Variants in RIMS1 observed in about 807,000 individuals in gnomAD.
RIMS1 encodes the protein regulating synaptic membrane exocytosis 1, also known as regulating synaptic membrane exocytosis protein 1.
A neutral mutation model predicts 214.1 loss-of-function variants in RIMS1; 83 were observed. The observed-to-expected ratio is 0.39, with a 90% confidence interval of 0.32 to 0.47. The LOEUF (loss-of-function observed/expected upper bound fraction) is 0.47, where lower values mean the gene tolerates loss of function less well. Ranked by LOEUF, RIMS1 falls within the 20% of genes least tolerant of loss-of-function variation. The pLI is 0.99. For missense variants in RIMS1, 2,050 were observed against 2,161.8 expected (o/e 0.95, Z 1.03); for synonymous variants, 793 against 786.8 (o/e 1.01, Z -0.13).
In RIMS1 at chr6:72,161,994, A is replaced by G. The variant is rs1447116105; in HGVS notation, c.472-17581A>G. ...TCAATTGTTGATAGTGGGGTGTTAAATCTCCCATTATTATTGTATGGGAGT... is the reference window on the plus strand; with the variant it reads ...TCAATTGTTGATAGTGGGGTGTTAAGTCTCCCATTATTATTGTATGGGAGT... On this transcript the variant is annotated intron_variant, in intron 4 of 33. Coordinates refer to ENST00000521978, the MANE Select transcript of RIMS1 (RefSeq NM_014989.7). 8.6e-5 allele frequency among the ~76,000 whole-genome samples: 12 copies of G among 140,050 alleles called. 2 individuals carry two copies. The highest frequency in any genetic ancestry group is 2.9e-4 in the Admixed American group (4 of 13,652). The allele number at this position is 140,050 out of a possible 152,430, so 91.9% of individuals were successfully genotyped here. A position where few individuals can be genotyped will look rare whatever the true frequency, so the allele number is the denominator to read the frequency against.
At chr6:72,361,924 A>T (rs1327644655) in intron 29 of RIMS1, among the ~76,000 whole-genome samples, 1 of 152,226 alleles carries the variant, frequency 6.6e-6, no homozygotes, top group African/African-American at 2.4e-5. Flanking sequence ...TAACATGTTC[A>T]TAGGTTGTAA....
intron 19 of RIMS1, chr6:72,261,898 T>C (rs1019468884): frequency 1.0e-6 from 1 of 985,232 alleles, no homozygotes; most frequent in South Asian, 4.7e-5. Context: ...ATCATGCATA[T>C]TGTAAAAACC....
At chr6:72,018,555 T>G (rs1328080188) in intron 2 of RIMS1, among the ~76,000 whole-genome samples, 1 of 152,170 alleles carries the variant, frequency 6.6e-6, no homozygotes, top group South Asian at 2.1e-4. Flanking sequence ...TGGATAAATA[T>G]ACTGAGAGTT....
At chr6:71,934,651 G>A (rs538301508) in intron 1 of RIMS1, among the ~76,000 whole-genome samples, 1 of 152,074 alleles carries the variant, frequency 6.6e-6, no homozygotes, top group Admixed American at 6.6e-5. Flanking sequence ...GGAAGGAAGG[G>A]GAATCAATAT....
Position 72,251,078 on chromosome 6 carries a change from G to A in RIMS1, c.2530G>A (p.Glu844Lys). Residue 844 changes from glutamate to lysine, a missense_variant, in exon 14 of 34, where the codon GAA becomes AAA. Physicochemically the swap from Glu to Lys is moderately conservative, Grantham distance 56. This residue lies in a region of RIMS1 where 889 missense variants were observed against 885.5 expected (regional missense o/e 1.00). Coordinates refer to ENST00000521978, the MANE Select transcript of RIMS1 (RefSeq NM_014989.7). ...DQPRVQEEES[E>K]FLGEILIELE... ...ACCAAGAGTGCAAGAAGAAGAAAGT[G>A]AATTTCTTGGAGAGGTGATGTATAT... is the stretch of plus-strand genomic sequence containing the variant. The A allele has an allele frequency of 6.3e-7, 1 of 1,582,088 alleles. No individual in the cohort carries two copies. The highest frequency in any genetic ancestry group is 8.6e-7 in the Non-Finnish European group (1 of 1,162,986).
At chr6:72,247,931 A>G in intron 11 of RIMS1, 84 bp from the exon 12 acceptor site, 1 of 874,384 alleles carries the variant, frequency 1.1e-6, no homozygotes, top group Non-Finnish European at 1.9e-6. Context: ...TTATGGTTTT[A>G]TACAAATAAA....
At chr6:72,286,606 G>T (rs938386775) in intron 24 of RIMS1, among the ~76,000 whole-genome samples, 1 of 152,116 alleles carries the variant, frequency 6.6e-6, no homozygotes, top group Non-Finnish European at 1.5e-5. Context: ...TAGTTTCTTT[G>T]TGAATTGTTG....
intron 2 of RIMS1, among the ~76,000 whole-genome samples, chr6:72,072,502 A>G (rs1830793466): frequency 6.6e-6 from 1 of 152,202 alleles, no homozygotes; most frequent in Non-Finnish European, 1.5e-5. Context: ...GTGGTAAGGC[A>G]CAGAGGTTCT....
intron 6 of RIMS1, among the ~76,000 whole-genome samples, chr6:72,227,251 G>T (rs1404689640): frequency 6.6e-6 from 1 of 151,874 alleles, no homozygotes; most frequent in Non-Finnish European, 1.5e-5. Flanking sequence ...ATTTTTCTTA[G>T]TTTGTACGTG....
At chr6:72,353,002 T>C (rs2097514457) in intron 29 of RIMS1, among the ~76,000 whole-genome samples, 1 of 145,824 alleles carries the variant, frequency 6.9e-6, no homozygotes, top group African/African-American at 2.6e-5. Flanking sequence ...TTTTTTTTTT[T>C]TTTTTGAGAT....
chr6:72,224,733 T>C (rs1433732065), intron 6 of RIMS1, among the ~76,000 whole-genome samples: 1 of 152,206 alleles, frequency 6.6e-6, no homozygotes, highest in East Asian at 1.9e-4. Context: ...TGATATTGCT[T>C]CTTTATCCTC....
chr6:72,348,995 G>A (rs1374587833), intron 29 of RIMS1, among the ~76,000 whole-genome samples: 1 of 151,756 alleles, frequency 6.6e-6, no homozygotes. Flanking sequence ...TCTTTTGTTG[G>A]GCATAGGGCC....
rs1355069827 is a variant in RIMS1, at chr6:72,182,981, G to A, written c.1510G>A (p.Asp504Asn). The A allele has an allele frequency of 6.3e-7, 1 of 1,594,378 alleles. No individual in the cohort carries two copies. The highest frequency in any genetic ancestry group is 8.5e-7 in the Non-Finnish European group (1 of 1,171,770). The change falls in exon 6 of 34, where the codon GAC becomes AAC. Residue 504 changes from aspartate (D) to asparagine (N), a missense_variant. Asp to Asn is a conservative substitution (Grantham distance 23, BLOSUM62 1). Coordinates refer to ENST00000521978, the MANE Select transcript of RIMS1 (RefSeq NM_014989.7). ...TMLRNDSLSS[D>N]QSESVRPSPP... ...GCTGCGGAACGACTCTTTGAGCTCA[G>A]ACCAGTCCGAGTCGGTGCGGCCGTC... is the stretch of plus-strand genomic sequence containing the variant.
chr6:72,257,136 G>C (rs1354795453), intron 16 of RIMS1, among the ~76,000 whole-genome samples: 10 of 151,318 alleles, frequency 6.6e-5, no homozygotes, highest in Admixed American at 6.6e-4. Flanking sequence ...AACAGTTTTA[G>C]CTTCCCAGTT....
At chr6:72,203,229 C>T (rs775245239) in intron 6 of RIMS1, among the ~76,000 whole-genome samples, 21 of 152,216 alleles carry the variant, frequency 1.4e-4, no homozygotes, top group African/African-American at 1.7e-4. Flanking sequence ...CCCTGTGATC[C>T]GCCCACCTCA....
At chr6:72,362,567 C>T (rs1302386518) in intron 29 of RIMS1, among the ~76,000 whole-genome samples, 1 of 152,096 alleles carries the variant, frequency 6.6e-6, no homozygotes, top group African/African-American at 2.4e-5. Flanking sequence ...AAAAAGCAAA[C>T]TGCATCTCAC....
intron 2 of RIMS1, among the ~76,000 whole-genome samples, chr6:71,979,317 C>T (rs1797910300): frequency 6.6e-6 from 1 of 151,912 alleles, no homozygotes. Flanking sequence ...GATGTGGCAA[C>T]AGCTGAGATT....
intron 27 of RIMS1, 97 bp from the exon 28 acceptor site, chr6:72,313,409 T>A (rs369167498): frequency 3.8e-5 from 39 of 1,028,536 alleles, no homozygotes; most frequent in South Asian, 2.5e-4. Flanking sequence ...AAGGTACACC[T>A]TTATTTGGTG....
intron 24 of RIMS1, among the ~76,000 whole-genome samples, chr6:72,285,147 T>C (rs1402181263): frequency 6.6e-6 from 1 of 152,180 alleles, no homozygotes; most frequent in Admixed American, 6.5e-5. Context: ...GTTAATACCA[T>C]GCTAAAGAAT....
Sources: gnomAD v4.1 joint callset for allele counts (sites outside exome capture counted in the v4.1 genomes callset) on GRCh38, gnomAD v4.1.1 for gene constraint, gnomAD v4.1.1 regional missense constraint, MANE v1.5 for transcripts, NCBI Gene and HGNC (gene_info 2026-07-23, HGNC 2026-07-21) for gene names.